LMNTD1: variants seen among roughly 807,000 people sequenced by gnomAD.
The protein encoded by LMNTD1 is lamin tail domain-containing protein 1.
LMNTD1 carries 35 observed loss-of-function variants against 50.9 expected under a neutral mutation model. The observed-to-expected ratio is 0.69, with a 90% confidence interval of 0.53 to 0.91. LMNTD1 has a LOEUF of 0.91. Among genes scored for constraint, LMNTD1 ranks in the 40% least tolerant of loss-of-function variants. LMNTD1 has a pLI of 0.00. For missense variants in LMNTD1, 470 were observed against 475.5 expected (o/e 0.99, Z 0.11); for synonymous variants, 153 against 161.9 (o/e 0.94, Z 0.42).
chr12:25,584,744 G>T (rs991686726), intron 1 of LMNTD1, among the ~76,000 whole-genome samples: 2 of 152,166 alleles, frequency 1.3e-5, no homozygotes, highest in Non-Finnish European at 1.5e-5. Flanking sequence ...TAGCTTCAAA[G>T]TCGATTATAT....
intron 8 of LMNTD1, among the ~76,000 whole-genome samples, chr12:25,514,721 A>C (rs566841233): frequency 3.3e-4 from 51 of 152,264 alleles, no homozygotes; most frequent in Admixed American, 5.9e-4. Context: ...GATAATCCCC[A>C]AAAATTAATA....
intron 1 of LMNTD1, among the ~76,000 whole-genome samples, chr12:25,587,119 T>C (rs1264208333): frequency 7.2e-5 from 11 of 152,238 alleles, no homozygotes; most frequent in Admixed American, 7.2e-4. Flanking sequence ...ATGTCATTTC[T>C]TAACACACTG....
intron 8 of LMNTD1, among the ~76,000 whole-genome samples, chr12:25,510,034 T>TC (rs1940137744): frequency 1.3e-5 from 2 of 152,236 alleles, no homozygotes; most frequent in Non-Finnish European, 2.9e-5. Flanking sequence ...TATACAGTTG[T>TC]CATGTATTTA....
At chr12:25,544,433 C>T (rs934781283) in intron 4 of LMNTD1, among the ~76,000 whole-genome samples, 19 of 151,810 alleles carry the variant, frequency 1.3e-4, no homozygotes, top group African/African-American at 3.1e-4. Flanking sequence ...TATCCCTTCA[C>T]TTTCAGTCTG....
intron 9 of LMNTD1, among the ~76,000 whole-genome samples, chr12:25,492,907 C>T (rs142732253): frequency 6.6e-4 from 101 of 152,316 alleles, no homozygotes; most frequent in Non-Finnish European, 1.3e-3. Flanking sequence ...CTCCTTGTTC[C>T]TTCTTTTATT....
At chr12:25,546,609 TTAAAAGGACC>T (rs1943452597) in intron 3 of LMNTD1, 55 bp from the exon 4 acceptor site, 18 of 1,128,036 alleles carry the variant, frequency 1.6e-5, no homozygotes, top group Non-Finnish European at 1.9e-5. Context: ...TAAAATGACA[TTAAAAGGACC>T]TAAAGCCATT....
At chr12:25,580,341 T>C (rs16929089) in intron 1 of LMNTD1, among the ~76,000 whole-genome samples, 25,288 of 152,132 alleles carry the variant, frequency 0.17, 2,507 homozygotes, top group East Asian at 0.35. Context: ...ATTTGCACTG[T>C]GGCCATCCAT....
chr12:25,485,893 G>C (rs1284175730), intron 9 of LMNTD1, among the ~76,000 whole-genome samples: 1 of 145,116 alleles, frequency 6.9e-6, no homozygotes, highest in Admixed American at 7.0e-5. Context: ...GTACCATGCT[G>C]TTTTGGTTAC....
intron 6 of LMNTD1, among the ~76,000 whole-genome samples, chr12:25,521,492 A>G (rs1035612429): frequency 1.3e-5 from 2 of 152,202 alleles, no homozygotes; most frequent in African/African-American, 2.4e-5. Flanking sequence ...ATGAGGATAC[A>G]GAGTAACGCA....
At chr12:25,619,252 C>CTCTCTCTCTATATATATA (rs1374134268) in intron 1 of LMNTD1, among the ~76,000 whole-genome samples, 17 of 84,432 alleles carry the variant, frequency 2.0e-4, no homozygotes, top group African/African-American at 7.2e-4. Flanking sequence ...CTCTCTCTCT[C>CTCTCTCTCTATATATATA]TATATATATA....
chr12:25,639,114 T>C (rs1946897775), intron 1 of LMNTD1, among the ~76,000 whole-genome samples: 1 of 152,116 alleles, frequency 6.6e-6, no homozygotes, highest in African/African-American at 2.4e-5. Flanking sequence ...AATATCTACA[T>C]GCAAATGAAT....
chr12:25,590,154 AG>A (rs1211502931), intron 1 of LMNTD1, among the ~76,000 whole-genome samples: 1 of 152,186 alleles, frequency 6.6e-6, no homozygotes, highest in African/African-American at 2.4e-5. Context: ...GCCACTGAAA[AG>A]GTAGGATAAA....
chr12:25,642,373 G>T (rs1379525684), intron 1 of LMNTD1, among the ~76,000 whole-genome samples: 3 of 152,072 alleles, frequency 2.0e-5, no homozygotes, highest in African/African-American at 7.2e-5. Flanking sequence ...GAAAACTGGG[G>T]CTCTCTCTCT....
At chr12:25,609,475 T>C (rs564822904) in intron 1 of LMNTD1, among the ~76,000 whole-genome samples, 1 of 152,334 alleles carries the variant, frequency 6.6e-6, no homozygotes, top group South Asian at 2.1e-4. Flanking sequence ...CCTTTGGTCT[T>C]TGATGTTGGT....
intron 1 of LMNTD1, among the ~76,000 whole-genome samples, chr12:25,562,568 A>C (rs532800888): frequency 2.0e-5 from 3 of 151,874 alleles, no homozygotes; most frequent in Non-Finnish European, 2.9e-5. Context: ...TGCCCTTAAC[A>C]TTTTTCCTTC....
chr12:25,637,701 T>G (rs1267888783), intron 1 of LMNTD1, among the ~76,000 whole-genome samples: 1 of 152,134 alleles, frequency 6.6e-6, no homozygotes, highest in Non-Finnish European at 1.5e-5. Context: ...CTCTTTACAT[T>G]CAATATATAA....
rs1449769762 is a variant in LMNTD1 at position 25,546,640 on chromosome 12, T to G, written c.311-86A>C. On this transcript the variant is annotated intron_variant, in intron 3 of 9. Coordinates refer to ENST00000458174, the MANE Select transcript of LMNTD1 (RefSeq NM_001145728.2). ...GGACCTAAAGCCATTATCTTTATTC[T>G]CTGCTTCTACAAAATTATATTTTTA... The G allele has an allele frequency of 8.3e-6, 6 of 724,320 alleles. No individual in the cohort carries two copies. The African/African-American group carries it at 1.1e-4, about 13-fold the overall frequency. 44.9% of individuals were successfully genotyped at this position (724,320 alleles called of 1,614,324 possible). A position where few individuals can be genotyped will look rare whatever the true frequency, so the allele number is the denominator to read the frequency against.
At chr12:25,619,062 A>G (rs1431253477) in intron 1 of LMNTD1, among the ~76,000 whole-genome samples, 1 of 152,116 alleles carries the variant, frequency 6.6e-6, no homozygotes, top group Non-Finnish European at 1.5e-5. Flanking sequence ...TCATTTCCCC[A>G]TTCAGTGACA....
chr12:25,562,837 T>C (rs1031122417), intron 1 of LMNTD1, among the ~76,000 whole-genome samples: 3 of 152,172 alleles, frequency 2.0e-5, no homozygotes, highest in African/African-American at 7.2e-5. Flanking sequence ...GCTCATTTCT[T>C]TTTACTCTTT....
Sources: allele counts gnomAD v4.1 joint callset (sites outside exome capture counted in the v4.1 genomes callset), GRCh38; gene constraint gnomAD v4.1.1; transcripts MANE v1.5; gene names NCBI Gene and HGNC (gene_info 2026-07-23, HGNC 2026-07-21).